Variants in FBLN5 observed in about 807,000 individuals in gnomAD.
The protein encoded by FBLN5 is fibulin 5, also known as fibulin-5.
FBLN5 carries 24 observed loss-of-function variants against 61.6 expected under a neutral mutation model. The ratio of observed to expected loss-of-function variants is 0.39; its 90% CI spans 0.28 to 0.55. The LOEUF (loss-of-function observed/expected upper bound fraction) is 0.55, where lower values mean the gene tolerates loss of function less well. Ranked by LOEUF, FBLN5 falls within the 20% of genes least tolerant of loss-of-function variation. FBLN5 has a pLI of 0.65. For synonymous variants in FBLN5, 213 were observed against 219.8 expected (o/e 0.97, Z 0.27); for missense variants, 470 against 594.1 (o/e 0.79, Z 2.17).
chr14:91,939,934 G>A, intron 3 of FBLN5: 1 of 453,960 alleles, frequency 2.2e-6, no homozygotes, highest in South Asian at 1.6e-5. Context: ...AGAAGAGGCT[G>A]ATTGGTCAGA....
chr14:91,870,111 G>T lies in FBLN5; in HGVS notation c.*113C>A. The T allele has an allele frequency of 8.8e-7, 1 of 1,139,822 alleles. No individual in the cohort carries two copies. The highest frequency in any genetic ancestry group is 1.3e-6 in the Non-Finnish European group (1 of 767,396). The allele number at this position is 1,139,822 out of a possible 1,614,324, so 70.6% of individuals were successfully genotyped here. On this transcript the variant is annotated 3_prime_UTR_variant, in exon 11 of 11. Transcript: ENST00000342058. ...GTCGGGGCTGACTCTTCGGGGAAAC[G>T]TTCAGCAGGAAATGCCTAACGTCTG... is the stretch of plus-strand genomic sequence containing the variant.
At chr14:91,891,446 C>A in intron 5 of FBLN5, 109 bp from the exon 6 acceptor site, 1 of 791,332 alleles carries the variant, frequency 1.3e-6, no homozygotes, top group East Asian at 2.4e-5. Context: ...TGAACGGAAG[C>A]AAATGGGAAC....
In FBLN5 at chr14:91,936,936, G is replaced by C; in HGVS notation, c.379+11C>G. 1 of 1,614,064 alleles carries C rather than the reference G, an allele frequency of 6.2e-7. No homozygotes were observed. Among genetic ancestry groups the C allele is most frequent in the South Asian group, 1.1e-5 (1 of 91,046 alleles). ...GCACAGCGGAGAGGAACAAAAGGCC[G>C]GGCTACTCACCCACACATTGGTTGC... On this transcript the variant is annotated intron_variant, in intron 4 of 10. Coordinates refer to ENST00000342058, the MANE Select transcript of FBLN5 (RefSeq NM_006329.4).
At chr14:91,930,076 AAAT>A (rs1433370538) in intron 4 of FBLN5, among the ~76,000 whole-genome samples, 1 of 152,238 alleles carries the variant, frequency 6.6e-6, no homozygotes, top group Non-Finnish European at 1.5e-5. Flanking sequence ...AAAGAATAAA[AAAT>A]AATGGAATAA....
chr14:91,941,629 G>A (rs2056106207), intron 2 of FBLN5, among the ~76,000 whole-genome samples: 1 of 152,188 alleles, frequency 6.6e-6, no homozygotes, highest in South Asian at 2.1e-4. Flanking sequence ...GTGCCGGGAA[G>A]CTGGGAGGCC....
At chr14:91,917,925 A>G (rs1566819293) in intron 4 of FBLN5, among the ~76,000 whole-genome samples, 1 of 152,248 alleles carries the variant, frequency 6.6e-6, no homozygotes, top group Non-Finnish European at 1.5e-5. Flanking sequence ...AGGCACACAT[A>G]GAACATTACA....
chr14:91,913,397 A>T (rs1426352961), intron 4 of FBLN5, among the ~76,000 whole-genome samples: 1 of 152,210 alleles, frequency 6.6e-6, no homozygotes, highest in Non-Finnish European at 1.5e-5. Context: ...GTCATATAAG[A>T]AATAAGAGGG....
intron 4 of FBLN5, among the ~76,000 whole-genome samples, chr14:91,911,087 G>A (rs1890907174): frequency 6.6e-6 from 1 of 151,946 alleles, no homozygotes; most frequent in South Asian, 2.1e-4. Context: ...GGGTTCAAGT[G>A]ATTCTCCCGC....
intron 4 of FBLN5, among the ~76,000 whole-genome samples, chr14:91,934,794 G>A (rs1318342863): frequency 1.3e-5 from 2 of 152,024 alleles, no homozygotes; most frequent in Non-Finnish European, 2.9e-5. Flanking sequence ...CTTCCGCCAC[G>A]GTGCCTTGCT....
chr14:91,870,136 G>T lies in FBLN5; in HGVS notation c.*88C>A. The T allele has an allele frequency of 7.4e-7, 1 of 1,355,874 alleles. No individual in the cohort carries two copies. The highest frequency in any genetic ancestry group is 1.1e-6 in the Non-Finnish European group (1 of 949,602). The allele number at this position is 1,355,874 out of a possible 1,614,324, so 84.0% of individuals were successfully genotyped here. A position where few individuals can be genotyped will look rare whatever the true frequency, so the allele number is the denominator to read the frequency against. ...GTTCAGCAGGAAATGCCTAACGTCT[G>T]TGTCGCTCTCATTCTCTCTGTTATT... On this transcript the variant is annotated 3_prime_UTR_variant, in exon 11 of 11. Coordinates refer to ENST00000342058, the MANE Select transcript of FBLN5 (RefSeq NM_006329.4).
At chr14:91,946,070 C>T (rs1188821744) in intron 1 of FBLN5, among the ~76,000 whole-genome samples, 4 of 152,276 alleles carry the variant, frequency 2.6e-5, no homozygotes, top group Non-Finnish European at 4.4e-5. Flanking sequence ...AAAAGGCATG[C>T]TAACCCCATC....
At chr14:91,896,620 C>A (rs1431802530) in intron 4 of FBLN5, among the ~76,000 whole-genome samples, 2 of 152,104 alleles carry the variant, frequency 1.3e-5, no homozygotes, top group African/African-American at 4.8e-5. Flanking sequence ...TAGTAAGCAC[C>A]AAGCCAAGAG....
At chr14:91,918,590 G>T (rs774596705) in intron 4 of FBLN5, among the ~76,000 whole-genome samples, 1 of 152,196 alleles carries the variant, frequency 6.6e-6, no homozygotes, top group East Asian at 1.9e-4. Context: ...AACAAGGATG[G>T]AAGGATGGAA....
intron 9 of FBLN5, among the ~76,000 whole-genome samples, chr14:91,878,395 G>A (rs1889270484): frequency 2.0e-5 from 3 of 152,150 alleles, no homozygotes; most frequent in African/African-American, 7.2e-5. Context: ...ACCAAAGAAT[G>A]CCTGTTATAG....
rs531225980 is a variant in FBLN5 at position 91,882,026 on chromosome 14, A to G, written c.863-608T>C. On this transcript the variant is annotated intron_variant, in intron 8 of 10. Coordinates refer to ENST00000342058, the MANE Select transcript of FBLN5 (RefSeq NM_006329.4). The surrounding 1 kb of genome is among the most constrained non-coding windows in gnomAD (Gnocchi z 4.9). ...ACAAAAATTAGCCCGGCATGGTGGC[A>G]TGTGCCTGTAGTCCCAGCTACTTGG... Among the ~76,000 whole-genome samples, 4 of 151,818 alleles carry G rather than the reference A, an allele frequency of 2.6e-5. No individual in the cohort carries two copies. Among genetic ancestry groups the G allele is most frequent in the Non-Finnish European group, 5.9e-5 (4 of 67,906 alleles).
intron 4 of FBLN5, among the ~76,000 whole-genome samples, chr14:91,926,398 G>A (rs915976756): frequency 1.3e-5 from 2 of 152,150 alleles, no homozygotes; most frequent in Non-Finnish European, 2.9e-5. Flanking sequence ...CCTGGGCACC[G>A]CGTGGCCTGT....
intron 4 of FBLN5, among the ~76,000 whole-genome samples, chr14:91,925,001 A>G (rs2430371): frequency 0.082 from 12,411 of 151,906 alleles, 867 homozygotes; most frequent in African/African-American, 0.19. Flanking sequence ...AAATTCTTAA[A>G]CCCCTCCTCC....
At chr14:91,917,733 A>G (rs1028016213) in intron 4 of FBLN5, among the ~76,000 whole-genome samples, 3 of 152,170 alleles carry the variant, frequency 2.0e-5, no homozygotes, top group Non-Finnish European at 4.4e-5. Context: ...AAATTTCCCT[A>G]TAGCTTTATG....
At chr14:91,877,955 G>C (rs905306004) in intron 9 of FBLN5, 1 of 570,008 alleles carries the variant, frequency 1.8e-6, no homozygotes, top group African/African-American at 1.8e-5. Flanking sequence ...CAGAACATTA[G>C]AACATTCTCC....
Sources: allele counts gnomAD v4.1 joint callset (sites outside exome capture counted in the v4.1 genomes callset), GRCh38; gene constraint gnomAD v4.1.1; non-coding constraint Gnocchi (gnomAD v3.1); transcripts MANE v1.5; gene names NCBI Gene and HGNC (gene_info 2026-07-23, HGNC 2026-07-21).